The following FRAS1 variants were observed in gnomAD, a reference collection of about 807,000 sequenced individuals.
FRAS1 encodes the protein extracellular matrix organizing protein FRAS1.
FRAS1 carries 290 observed loss-of-function variants against 435.2 expected under a neutral mutation model. That is an observed-to-expected ratio of 0.67 (90% CI 0.61 to 0.73). The LOEUF (loss-of-function observed/expected upper bound fraction) is 0.73, where lower values mean the gene tolerates loss of function less well. FRAS1 is among the 30% of genes least tolerant of loss of function. The pLI, the probability that FRAS1 is intolerant of heterozygous loss-of-function variation, is 0.00. For synonymous variants in FRAS1, 1,800 were observed against 1,851.0 expected, an observed-to-expected ratio of 0.97 and a Z score of 0.71; for missense variants, 4,860 against 5,001.5, an observed-to-expected ratio of 0.97 and a Z score of 0.85.
chr4:78,414,912 A>G (rs1165508992), intron 32 of FRAS1, among the ~76,000 whole-genome samples: 2 of 152,236 alleles, frequency 1.3e-5, no homozygotes, highest in East Asian at 3.8e-4. Flanking sequence ...GAGCAATGAT[A>G]TGGGAGCAAA....
chr4:78,418,599 G>C (rs539266447), intron 32 of FRAS1, among the ~76,000 whole-genome samples: 17 of 152,202 alleles, frequency 1.1e-4, no homozygotes, highest in Non-Finnish European at 2.2e-4. Context: ...TGAGTAGCAA[G>C]ATAGTAGAAT....
intron 2 of FRAS1, among the ~76,000 whole-genome samples, chr4:78,104,814 G>A (rs1472191521): frequency 6.6e-6 from 1 of 152,108 alleles, no homozygotes; most frequent in African/African-American, 2.4e-5. Flanking sequence ...CCCTATTCTA[G>A]AATTGTACCC....
At chr4:78,208,766 G>A (rs755824854) in intron 2 of FRAS1, among the ~76,000 whole-genome samples, 3 of 151,894 alleles carry the variant, frequency 2.0e-5, no homozygotes, top group Non-Finnish European at 2.9e-5. Flanking sequence ...AGTAATACAT[G>A]CTTATTGTAA....
intron 2 of FRAS1, among the ~76,000 whole-genome samples, chr4:78,123,027 T>A (rs959054299): frequency 6.6e-6 from 1 of 152,194 alleles, no homozygotes; most frequent in Non-Finnish European, 1.5e-5. Context: ...TTGCTTTTGG[T>A]GTTTTAGACA....
Position 78,133,967 on chromosome 4 carries a change from T to A in FRAS1, c.108+67951T>A, listed in dbSNP as rs894386338. 2.1e-3 allele frequency among the ~76,000 whole-genome samples: 207 copies of A among 96,890 alleles called. 3 individuals are homozygous for A. Among genetic ancestry groups the A allele is most frequent in the African/African-American group, 7.6e-3 (200 of 26,216 alleles). The allele number at this position is 96,890 out of a possible 152,430, so 63.6% of individuals were successfully genotyped here. A position where few individuals can be genotyped will look rare whatever the true frequency, so the allele number is the denominator to read the frequency against. On this transcript the variant is annotated intron_variant, in intron 2 of 73. Coordinates refer to ENST00000512123, the MANE Select transcript of FRAS1 (RefSeq NM_025074.7). ...AGATGGACTAGGTTTTTTTTTTTTG[T>A]TTTTTTTTTTGAGATGGACTCTCGC...
At chr4:78,222,928 A>C (rs1183986144) in intron 2 of FRAS1, among the ~76,000 whole-genome samples, 1 of 152,164 alleles carries the variant, frequency 6.6e-6, no homozygotes, top group Non-Finnish European at 1.5e-5. Flanking sequence ...TGATGCTGGT[A>C]ATTGTACCAG....
intron 15 of FRAS1, among the ~76,000 whole-genome samples, chr4:78,310,761 C>T (rs950533540): frequency 6.6e-6 from 1 of 152,192 alleles, no homozygotes; most frequent in African/African-American, 2.4e-5. Context: ...TGATTGGTAT[C>T]GGAATGTTAA....
chr4:78,388,743 G>A (rs1732326538), intron 29 of FRAS1, among the ~76,000 whole-genome samples: 1 of 151,994 alleles, frequency 6.6e-6, no homozygotes, highest in Admixed American at 6.6e-5. Flanking sequence ...AGAAGTTCCA[G>A]GTTGCAGTGA....
At position 78,538,729 on chromosome 4, in the gene FRAS1, C is replaced by T. The variant is rs187938634; in HGVS notation, c.11299-565C>T. The stretch of plus-strand genomic sequence containing the variant: ...CAGCACTTTGGGAGGCCGAGGTGGG[C>T]GGATCACGAGGTCAGGAGATTGAGA... On this transcript the variant is annotated intron_variant, in intron 72 of 73. Transcript: ENST00000512123. Among the ~76,000 whole-genome samples the T allele has an allele frequency of 3.2e-3, 485 of 152,088 alleles. 3 individuals are homozygous for T. The highest frequency in any genetic ancestry group is 0.011 in the African/African-American group (466 of 41,480).
intron 47 of FRAS1, among the ~76,000 whole-genome samples, chr4:78,454,650 G>A (rs891102730): frequency 6.6e-6 from 1 of 152,190 alleles, no homozygotes; most frequent in Non-Finnish European, 1.5e-5. Flanking sequence ...GGGCAGACTT[G>A]GCTGTTGTGT....
Position 78,274,512 on chromosome 4 carries a change from G to A in FRAS1, c.982-4143G>A, listed in dbSNP as rs543091515. 8.5e-5 allele frequency among the ~76,000 whole-genome samples: 13 copies of A among 152,170 alleles called. No homozygotes were observed. The South Asian group carries it at 1.5e-3, about 17-fold the overall frequency. ...TGTGTCCCAGAGATTCTGGTATGTT[G>A]TGTCTTTGTTCTCGTTGGTTTCGAA... On this transcript the variant is annotated intron_variant, in intron 9 of 73. Coordinates refer to ENST00000512123, the MANE Select transcript of FRAS1 (RefSeq NM_025074.7).
chr4:78,498,095 G>A (rs1040493463), intron 60 of FRAS1, among the ~76,000 whole-genome samples: 5 of 152,238 alleles, frequency 3.3e-5, no homozygotes, highest in Non-Finnish European at 5.9e-5. Flanking sequence ...TGTTGACAGG[G>A]ACGGGGGCCT....
chr4:78,298,697 T>C (rs564849980), intron 14 of FRAS1, among the ~76,000 whole-genome samples: 12 of 152,208 alleles, frequency 7.9e-5, no homozygotes, highest in Non-Finnish European at 1.8e-4. Context: ...GTGAGTTGTT[T>C]CCATGTAGAA....
intron 2 of FRAS1, among the ~76,000 whole-genome samples, chr4:78,203,174 T>C (rs1435802669): frequency 1.3e-5 from 2 of 152,230 alleles, no homozygotes; most frequent in African/African-American, 4.8e-5. Flanking sequence ...TGAGTGCTTC[T>C]TCTGTAGCTA....
intron 2 of FRAS1, among the ~76,000 whole-genome samples, chr4:78,067,014 C>T (rs1292445163): frequency 6.6e-6 from 1 of 152,062 alleles, no homozygotes; most frequent in African/African-American, 2.4e-5. Flanking sequence ...ATATCCTGCC[C>T]TGTTTATTCT....
intron 31 of FRAS1, among the ~76,000 whole-genome samples, chr4:78,411,300 C>T (rs1167602162): frequency 1.3e-5 from 2 of 151,928 alleles, no homozygotes; most frequent in African/African-American, 4.8e-5. Context: ...TTAGTAGAGA[C>T]AGGATTTCAC....
chr4:78,309,173 G>T (rs1017339090), intron 15 of FRAS1, among the ~76,000 whole-genome samples: 1 of 152,158 alleles, frequency 6.6e-6, no homozygotes, highest in African/African-American at 2.4e-5. Flanking sequence ...CTGGGAAAAG[G>T]CAAGGAAACA....
chr4:78,540,902 A>G lies in FRAS1; in HGVS notation c.11817A>G (p.Ala3939=). The G allele has an allele frequency of 6.2e-7, 1 of 1,614,034 alleles. No homozygotes were observed. Residue 3939 remains alanine, a synonymous_variant, in exon 74 of 74, where the codon GCA becomes GCG. Coordinates refer to ENST00000512123, the MANE Select transcript of FRAS1 (RefSeq NM_025074.7). The part of the protein sequence containing the change: ...KCQKQRKKKP[A]EDILEEYPLN... ...AGAAACAGAGGAAGAAGAAGCCCGCAGAGGACATTTTGGAAGAATATCCTC... is the reference window on the plus strand; with the variant it reads ...AGAAACAGAGGAAGAAGAAGCCCGCGGAGGACATTTTGGAAGAATATCCTC...
At chr4:78,243,222 A>G (rs1725084119) in intron 3 of FRAS1, among the ~76,000 whole-genome samples, 1 of 152,146 alleles carries the variant, frequency 6.6e-6, no homozygotes, top group Non-Finnish European at 1.5e-5. Context: ...ATATGTATGC[A>G]TATATGTAGT....
Sources: allele counts gnomAD v4.1 joint callset (sites outside exome capture counted in the v4.1 genomes callset), GRCh38; gene constraint gnomAD v4.1.1; transcripts MANE v1.5; gene names NCBI Gene and HGNC (gene_info 2026-07-23, HGNC 2026-07-21).